The following PAPPA variants were observed in gnomAD, a reference collection of about 807,000 sequenced individuals.
PAPPA encodes the protein pappalysin 1.
Under a neutral mutation model 164.0 loss-of-function variants are expected in PAPPA, and 60 were observed. That is an observed-to-expected ratio of 0.37 (90% CI 0.30 to 0.45). PAPPA has a LOEUF of 0.45. Among genes scored for constraint, PAPPA ranks in the 20% least tolerant of loss-of-function variants. The probability of loss-of-function intolerance (pLI) is 1.00; values close to 1 mark genes in which losing one functional copy is unlikely to be tolerated. For synonymous variants in PAPPA, 875 were observed against 814.1 expected (o/e 1.07, Z -1.27); for missense variants, 1,782 against 2,087.3 (o/e 0.85, Z 2.85).
At position 116,199,453 on chromosome 9, in the gene PAPPA, A is replaced by T. The variant is rs75647290; in HGVS notation, c.1479-8003A>T. On this transcript the variant is annotated intron_variant, in intron 2 of 21. Transcript: ENST00000328252. ...AGATTTTTCCCCATGTGTGAATACC[A>T]CTACTTCTTATATACATTCCTATTG... 6.1e-3 allele frequency among the ~76,000 whole-genome samples: 934 copies of T among 152,212 alleles called. 31 individuals are homozygous for T. In the East Asian group the frequency reaches 0.11, roughly 17 times the overall value.
At chr9:116,238,976 A>C (rs1459343995) in intron 7 of PAPPA, among the ~76,000 whole-genome samples, 1 of 152,184 alleles carries the variant, frequency 6.6e-6, no homozygotes, top group Non-Finnish European at 1.5e-5. Context: ...ATTGGCTCTT[A>C]TACAAGTTCT....
At chr9:116,227,769 G>T (rs1336359800) in intron 6 of PAPPA, among the ~76,000 whole-genome samples, 1 of 152,122 alleles carries the variant, frequency 6.6e-6, no homozygotes, top group Non-Finnish European at 1.5e-5. Flanking sequence ...TATTACAAAT[G>T]AGGAAACAAA....
chr9:116,220,150 G>A (rs1844426103), intron 5 of PAPPA, 21 bp downstream of exon 5: 1 of 1,570,434 alleles, frequency 6.4e-7, no homozygotes, highest in Middle Eastern at 1.7e-4. Context: ...CCTGTGTAGT[G>A]TTGATCCCTC....
At chr9:116,333,922 A>T (rs1390403595) in intron 12 of PAPPA, among the ~76,000 whole-genome samples, 1 of 151,908 alleles carries the variant, frequency 6.6e-6, no homozygotes, top group African/African-American at 2.4e-5. Context: ...AGGCAGCTTC[A>T]CCTCTGGAAC....
intron 17 of PAPPA, among the ~76,000 whole-genome samples, chr9:116,359,325 C>T (rs985634355): frequency 7.2e-5 from 11 of 152,324 alleles, no homozygotes; most frequent in Middle Eastern, 3.4e-3. Context: ...CTCCGTGGAT[C>T]TGTGTAGCTA....
Position 116,344,545 on chromosome 9 carries a change from G to A in PAPPA, c.3614G>A (p.Cys1205Tyr). The A allele has an allele frequency of 1.2e-6, 2 of 1,611,482 alleles. No homozygotes were observed. Among genetic ancestry groups the A allele is most frequent in the Non-Finnish European group, 1.7e-6 (2 of 1,177,818 alleles). Residue 1205 changes from cysteine (C) to tyrosine (Y), a missense_variant and splice_region_variant, in exon 14 of 22, where the codon TGC becomes TAC. Cys to Tyr is a radical substitution (Grantham distance 194). Around this residue, in one of 2 missense-constraint regions of PAPPA, gnomAD observed 1,324 missense variants for 1,656.9 expected, o/e 0.80. Transcript: ENST00000328252. ...CCCCTCGTTTCTTTCCTCCCCAGCT[G>A]CGTGCACTTCGCATGTGAGAAAACT... Reference protein sequence around the residue: ...GETYSPAEQSCVHFACEKTDC... With the variant: ...GETYSPAEQSYVHFACEKTDC...
chr9:116,378,346 G>A (rs920408903), intron 20 of PAPPA, among the ~76,000 whole-genome samples: 1 of 152,114 alleles, frequency 6.6e-6, no homozygotes, highest in African/African-American at 2.4e-5. Context: ...GGCTGTCCAC[G>A]GAACTCAAAG....
At chr9:116,168,076 T>C (rs1843735912) in intron 1 of PAPPA, among the ~76,000 whole-genome samples, 1 of 152,208 alleles carries the variant, frequency 6.6e-6, no homozygotes, top group Non-Finnish European at 1.5e-5. Flanking sequence ...GTGATAGTTA[T>C]AACTATGGGT....
chr9:116,307,060 T>C (rs1232823080), intron 10 of PAPPA, among the ~76,000 whole-genome samples: 3 of 152,074 alleles, frequency 2.0e-5, no homozygotes, highest in African/African-American at 7.2e-5. Context: ...CTATCCACAG[T>C]GAGATGGAGT....
intron 13 of PAPPA, among the ~76,000 whole-genome samples, chr9:116,336,850 C>T (rs1846068130): frequency 3.3e-5 from 5 of 152,096 alleles, no homozygotes. Context: ...AGGTTCTTTT[C>T]AGTTCTAAAT....
chr9:116,263,808 A>T (rs565036394), intron 7 of PAPPA, among the ~76,000 whole-genome samples: 1 of 152,322 alleles, frequency 6.6e-6, no homozygotes, highest in South Asian at 2.1e-4. Flanking sequence ...CGAGAGGACA[A>T]AGTGGAGAGA....
At chr9:116,161,801 C>T (rs917601068) in intron 1 of PAPPA, among the ~76,000 whole-genome samples, 6 of 151,566 alleles carry the variant, frequency 4.0e-5, no homozygotes, top group African/African-American at 9.7e-5. Flanking sequence ...AACCTTGGAG[C>T]TTTAATACAT....
At chr9:116,300,011 C>T (rs974818971) in intron 9 of PAPPA, among the ~76,000 whole-genome samples, 2 of 151,960 alleles carry the variant, frequency 1.3e-5, no homozygotes, top group African/African-American at 4.8e-5. Flanking sequence ...AAAACCCTTG[C>T]TCTTTTCAGT....
intron 17 of PAPPA, among the ~76,000 whole-genome samples, chr9:116,361,776 T>C (rs1009610219): frequency 6.6e-6 from 1 of 152,182 alleles, no homozygotes; most frequent in South Asian, 2.1e-4. Flanking sequence ...GCACTGGCTC[T>C]CTTCACTTCT....
intron 7 of PAPPA, among the ~76,000 whole-genome samples, chr9:116,240,848 G>C (rs1844727577): frequency 6.6e-6 from 1 of 152,192 alleles, no homozygotes; most frequent in African/African-American, 2.4e-5. Flanking sequence ...TTATGCCTCT[G>C]TCTTCTTAGG....
chr9:116,212,387 C>A (rs1844319195), intron 4 of PAPPA, among the ~76,000 whole-genome samples: 1 of 152,032 alleles, frequency 6.6e-6, no homozygotes, highest in Non-Finnish European at 1.5e-5. Context: ...GTGTTAGGAG[C>A]ATTAGGGGAT....
Position 116,335,077 on chromosome 9 carries a change from A to G in PAPPA, c.3611+3A>G. On this transcript the variant is annotated splice_donor_region_variant and intron_variant, in intron 13 of 21. Coordinates refer to ENST00000328252, the MANE Select transcript of PAPPA (RefSeq NM_002581.5). ...ACCTACAGCCCTGCCGAGCAGAGGT[A>G]AGGGATCCGCGGCAGACTCGCCCTA... The G allele has an allele frequency of 6.2e-7, 1 of 1,611,352 alleles. No homozygotes were observed. Among genetic ancestry groups the G allele is most frequent in the Non-Finnish European group, 8.5e-7 (1 of 1,179,044 alleles).
intron 1 of PAPPA, among the ~76,000 whole-genome samples, chr9:116,184,367 G>C (rs901674152): frequency 4.6e-5 from 7 of 152,280 alleles, no homozygotes; most frequent in African/African-American, 1.4e-4. Flanking sequence ...TTTGCCAGTG[G>C]GTTTGAGGAG....
chr9:116,343,910 G>A (rs2118975244), intron 13 of PAPPA, among the ~76,000 whole-genome samples: 1 of 152,148 alleles, frequency 6.6e-6, no homozygotes, highest in South Asian at 2.1e-4. Flanking sequence ...ACAGGCGCCT[G>A]CCACCACGCC....
Sources: gnomAD v4.1 joint callset for allele counts (sites outside exome capture counted in the v4.1 genomes callset) on GRCh38, gnomAD v4.1.1 for gene constraint, gnomAD v4.1.1 regional missense constraint, MANE v1.5 for transcripts, NCBI Gene and HGNC (gene_info 2026-07-23, HGNC 2026-07-21) for gene names.